Variants in FHIT observed in about 807,000 individuals in gnomAD.
FHIT encodes the protein bis(5'-adenosyl)-triphosphatase.
A neutral mutation model predicts 17.9 loss-of-function variants in FHIT; 19 were observed. The ratio of observed to expected loss-of-function variants is 1.06; its 90% CI spans 0.74 to 1.56. The LOEUF (loss-of-function observed/expected upper bound fraction) is 1.56, where lower values mean the gene tolerates loss of function less well. FHIT is among the 40% of genes most tolerant of loss of function. The pLI, the probability that FHIT is intolerant of heterozygous loss-of-function variation, is 0.00. For synonymous variants in FHIT, 81 were observed against 69.7 expected, an observed-to-expected ratio of 1.16 and a Z score of -0.81; for missense variants, 248 against 189.2, an observed-to-expected ratio of 1.31 and a Z score of -1.82.
intron 2 of FHIT, among the ~76,000 whole-genome samples, chr3:61,146,562 C>T (rs1576101760): frequency 6.6e-6 from 1 of 152,000 alleles, no homozygotes; most frequent in South Asian, 2.1e-4. Context: ...AGGCAACAGC[C>T]CATAGAAGAT....
chr3:60,517,759 A>C (rs1024937621), intron 5 of FHIT, among the ~76,000 whole-genome samples: 1 of 152,212 alleles, frequency 6.6e-6, no homozygotes, highest in Non-Finnish European at 1.5e-5. Context: ...CTGTCTTTTC[A>C]ATATTACCCC....
intron 2 of FHIT, among the ~76,000 whole-genome samples, chr3:61,115,423 G>A (rs957375909): frequency 2.0e-5 from 3 of 152,076 alleles, no homozygotes; most frequent in Non-Finnish European, 2.9e-5. Context: ...CAAGGAGGCT[G>A]GAGCAATAGG....
chr3:61,108,694 G>A (rs1460797348), intron 2 of FHIT, among the ~76,000 whole-genome samples: 1 of 152,160 alleles, frequency 6.6e-6, no homozygotes, highest in Non-Finnish European at 1.5e-5. Flanking sequence ...CCTCAAGAAA[G>A]TAAAAAAGGA....
intron 5 of FHIT, among the ~76,000 whole-genome samples, chr3:60,465,915 T>C (rs9821428): frequency 0.51 from 77,039 of 151,938 alleles, 22,192 homozygotes; most frequent in African/African-American, 0.78. Context: ...TTTTCTATTT[T>C]CATGAAGAAT....
At chr3:59,844,776 G>GT (rs1050817271) in intron 8 of FHIT, among the ~76,000 whole-genome samples, 1 of 152,062 alleles carries the variant, frequency 6.6e-6, no homozygotes, top group Non-Finnish European at 1.5e-5. Context: ...TTGGTCTGTA[G>GT]TTTTTTTGCA....
At chr3:60,552,944 G>C (rs2036608166) in intron 4 of FHIT, among the ~76,000 whole-genome samples, 1 of 152,136 alleles carries the variant, frequency 6.6e-6, no homozygotes, top group African/African-American at 2.4e-5. Context: ...AGGTGCATGT[G>C]AGATTAAGAG....
intron 8 of FHIT, among the ~76,000 whole-genome samples, chr3:59,789,188 A>T (rs1797563): frequency 0.95 from 143,863 of 152,220 alleles, 68,278 homozygotes; most frequent in Non-Finnish European, 0.99. Context: ...CCAACTTTTT[A>T]AAGCCCAGAT....
chr3:60,946,724 A>G (rs1432741471), intron 3 of FHIT, among the ~76,000 whole-genome samples: 2 of 152,196 alleles, frequency 1.3e-5, no homozygotes, highest in Non-Finnish European at 2.9e-5. Context: ...ACAATGAACA[A>G]TACCAGAAGA....
chr3:60,263,099 T>C (rs966586116), intron 5 of FHIT, among the ~76,000 whole-genome samples: 2 of 151,752 alleles, frequency 1.3e-5, no homozygotes, highest in South Asian at 4.1e-4. Flanking sequence ...AGGAAAAAAA[T>C]GCTTATCATT....
chr3:60,038,242 T>C (rs1487671616), intron 5 of FHIT, among the ~76,000 whole-genome samples: 1 of 152,216 alleles, frequency 6.6e-6, no homozygotes, highest in Non-Finnish European at 1.5e-5. Context: ...TGTGCTATAG[T>C]TATTGATCTG....
chr3:60,846,769 G>T (rs532587417), intron 3 of FHIT, among the ~76,000 whole-genome samples: 3 of 151,968 alleles, frequency 2.0e-5, no homozygotes, highest in African/African-American at 7.3e-5. Flanking sequence ...TTCATAACTT[G>T]GACATATGCA....
chr3:61,131,044 T>C (rs1430480397), intron 2 of FHIT, among the ~76,000 whole-genome samples: 2 of 152,224 alleles, frequency 1.3e-5, no homozygotes, highest in African/African-American at 4.8e-5. Flanking sequence ...TAATGAAAGA[T>C]TAGTTGACTC....
At chr3:61,041,469 T>C (rs1221226188) in intron 3 of FHIT, among the ~76,000 whole-genome samples, 1 of 152,014 alleles carries the variant, frequency 6.6e-6, no homozygotes, top group Non-Finnish European at 1.5e-5. Context: ...CTTGGGTCTC[T>C]TGATTTATCT....
chr3:60,093,025 T>G (rs2107104078), intron 5 of FHIT, among the ~76,000 whole-genome samples: 1 of 152,186 alleles, frequency 6.6e-6, no homozygotes, highest in East Asian at 1.9e-4. Context: ...GACAGGAAAA[T>G]TAGGTAACCA....
intron 4 of FHIT, among the ~76,000 whole-genome samples, chr3:60,813,603 T>G (rs1337242286): frequency 6.6e-6 from 1 of 152,202 alleles, no homozygotes; most frequent in Non-Finnish European, 1.5e-5. Flanking sequence ...TACTGAGATC[T>G]CTATACTCTC....
At chr3:60,805,181 T>G (rs1202679617) in intron 4 of FHIT, among the ~76,000 whole-genome samples, 4 of 152,218 alleles carry the variant, frequency 2.6e-5, no homozygotes, top group African/African-American at 9.7e-5. Flanking sequence ...GAGTTGTATT[T>G]AACTTGTCAT....
At chr3:60,333,071 T>C (rs780526752) in intron 5 of FHIT, among the ~76,000 whole-genome samples, 1 of 152,210 alleles carries the variant, frequency 6.6e-6, no homozygotes, top group Non-Finnish European at 1.5e-5. Flanking sequence ...TGCATTTCAA[T>C]AACAAGGTTT....
At chr3:60,036,826 C>A (rs1701237419) in intron 5 of FHIT, among the ~76,000 whole-genome samples, 2 of 152,164 alleles carry the variant, frequency 1.3e-5, no homozygotes, top group Admixed American at 1.3e-4. Context: ...TGGGCCATAT[C>A]CTAATACTGA....
chr3:59,816,756 C>T (rs977974376), intron 8 of FHIT, among the ~76,000 whole-genome samples: 2 of 152,208 alleles, frequency 1.3e-5, no homozygotes, highest in African/African-American at 4.8e-5. Flanking sequence ...ACGATCTTAT[C>T]CCCTCTCTTG....
Sources: allele counts gnomAD v4.1 joint callset (sites outside exome capture counted in the v4.1 genomes callset), GRCh38; gene constraint gnomAD v4.1.1; transcripts MANE v1.5; gene names NCBI Gene and HGNC (gene_info 2026-07-23, HGNC 2026-07-21).